The following TMEM232 variants were observed in gnomAD, a reference collection of about 807,000 sequenced individuals.
TMEM232 encodes transmembrane protein 232.
Under a neutral mutation model 78.8 loss-of-function variants are expected in TMEM232, and 80 were observed. That is an observed-to-expected ratio of 1.01 (90% CI 0.85 to 1.22). The LOEUF is 1.22. Ranked by LOEUF, TMEM232 falls within the 50% of genes most tolerant of loss-of-function variation. The probability of loss-of-function intolerance (pLI) is 0.00; values close to 1 mark genes in which losing one functional copy is unlikely to be tolerated. For missense variants in TMEM232, 881 were observed against 742.2 expected, an observed-to-expected ratio of 1.19 and a Z score of -2.17; for synonymous variants, 297 against 254.3, an observed-to-expected ratio of 1.17 and a Z score of -1.60.
chr5:110,605,527 G>C (rs1446520228), intron 9 of TMEM232, among the ~76,000 whole-genome samples, 169 bp from the exon 10 acceptor site: 1 of 151,974 alleles, frequency 6.6e-6, no homozygotes, highest in Non-Finnish European at 1.5e-5. Context: ...ACAGTTCAAA[G>C]AATAAAAAAT....
In TMEM232 at chr5:110,625,277, T is replaced by C; in HGVS notation, c.758A>G (p.Asp253Gly). The C allele has an allele frequency of 6.5e-7, 1 of 1,537,076 alleles. No homozygotes were observed. Among genetic ancestry groups the C allele is most frequent in the Non-Finnish European group, 8.8e-7 (1 of 1,140,502 alleles). Residue 253 changes from aspartate to glycine, a missense_variant, in exon 7 of 14, where the codon GAT (aspartate) becomes GGT (glycine). Asp to Gly is a moderately conservative substitution (Grantham distance 94). Coordinates refer to ENST00000455884, the MANE Select transcript of TMEM232 (RefSeq NM_001039763.4). ...TACCAGATTACTCACCATATCAGAA[T>C]CTGTGTTCTCATATCTTTTCTTATC... ...VEDKKRYENT[D>G]SDMGGYEINH...
At chr5:110,473,933 T>C (rs1184621758) in intron 12 of TMEM232, among the ~76,000 whole-genome samples, 1 of 106,632 alleles carries the variant, frequency 9.4e-6, no homozygotes, top group African/African-American at 3.8e-5. Flanking sequence ...CAAAATAACT[T>C]ACTCCTGTGT....
At chr5:110,513,178 A>AATATATAACTTTT (rs1768047504) in intron 12 of TMEM232, among the ~76,000 whole-genome samples, 1 of 152,194 alleles carries the variant, frequency 6.6e-6, no homozygotes, top group Non-Finnish European at 1.5e-5. Flanking sequence ...AGATAAACTG[A>AATATATAACTTTT]GTTATATATT....
chr5:110,694,828 C>A (rs534436662), intron 1 of TMEM232, among the ~76,000 whole-genome samples: 10 of 152,114 alleles, frequency 6.6e-5, no homozygotes, highest in African/African-American at 2.4e-4. Context: ...TACAAAGAGA[C>A]TTAGACTCCG....
intron 8 of TMEM232, among the ~76,000 whole-genome samples, chr5:110,610,767 T>A (rs1782171469): frequency 6.6e-6 from 1 of 151,996 alleles, no homozygotes; most frequent in African/African-American, 2.4e-5. Context: ...ATTTAGAAAT[T>A]TGAAGGGGGA....
At chr5:110,620,391 G>A (rs981582186) in intron 7 of TMEM232, among the ~76,000 whole-genome samples, 26 of 152,202 alleles carry the variant, frequency 1.7e-4, no homozygotes, top group African/African-American at 6.3e-4. Context: ...AAGTCACTCT[G>A]CCACCCACAA....
At chr5:110,602,777 G>A (rs896464629) in intron 10 of TMEM232, among the ~76,000 whole-genome samples, 2 of 152,102 alleles carry the variant, frequency 1.3e-5, no homozygotes, top group African/African-American at 4.8e-5. Context: ...ATTTGACCCA[G>A]CAATTACATT....
At chr5:110,707,902 C>T (rs1223176429) in intron 1 of TMEM232, among the ~76,000 whole-genome samples, 6 of 152,204 alleles carry the variant, frequency 3.9e-5, no homozygotes, top group Admixed American at 3.9e-4. Context: ...TTTTTAGACA[C>T]ACCCCGGGCC....
intron 1 of TMEM232, among the ~76,000 whole-genome samples, chr5:110,722,222 T>C (rs769934783): frequency 2.6e-5 from 4 of 152,186 alleles, no homozygotes; most frequent in Non-Finnish European, 5.9e-5. Context: ...GCTTGGCTGT[T>C]GTATTAATTA....
chr5:110,602,835 T>C (rs1781108897), intron 10 of TMEM232, among the ~76,000 whole-genome samples: 1 of 152,100 alleles, frequency 6.6e-6, no homozygotes, highest in Non-Finnish European at 1.5e-5. Flanking sequence ...TATAAACACA[T>C]GCACACGTAT....
chr5:110,524,359 GAAAA>G (rs763743820), intron 12 of TMEM232, among the ~76,000 whole-genome samples: 10,558 of 88,270 alleles, frequency 0.12, 480 homozygotes, highest in South Asian at 0.23. Context: ...AAGAAAGAAA[GAAAA>G]AAAGAAAGAA....
intron 12 of TMEM232, among the ~76,000 whole-genome samples, chr5:110,449,982 C>T (rs979728328): frequency 8.5e-5 from 13 of 152,052 alleles, no homozygotes; most frequent in Admixed American, 2.6e-4. Flanking sequence ...GGGTGAGGGA[C>T]GTGGAGGGAG....
chr5:110,564,383 C>T (rs1046170334), intron 11 of TMEM232, among the ~76,000 whole-genome samples: 19 of 151,794 alleles, frequency 1.3e-4, no homozygotes, highest in African/African-American at 4.6e-4. Flanking sequence ...AATGAATGGC[C>T]TATTTCAAAA....
chr5:110,733,433 G>A (rs374386773), intron 2 of TMEM232, among the ~76,000 whole-genome samples: 9 of 152,226 alleles, frequency 5.9e-5, no homozygotes, highest in African/African-American at 1.2e-4. Context: ...GCAAAGACAC[G>A]GAATCAACCT....
chr5:110,640,681 A>G (rs1018079800), intron 4 of TMEM232, among the ~76,000 whole-genome samples: 16 of 152,312 alleles, frequency 1.1e-4, no homozygotes, highest in African/African-American at 3.6e-4. Flanking sequence ...TGCTGAGTAA[A>G]GTTTTTAAAA....
chr5:110,587,280 A>G (rs748088763), intron 10 of TMEM232, among the ~76,000 whole-genome samples: 16 of 152,068 alleles, frequency 1.1e-4, no homozygotes, highest in Non-Finnish European at 1.9e-4. Context: ...GTGAATATTA[A>G]AATAAAACAT....
At chr5:110,636,948 AT>A (rs1447634886) in intron 5 of TMEM232, among the ~76,000 whole-genome samples, 1 of 151,866 alleles carries the variant, frequency 6.6e-6, no homozygotes, top group African/African-American at 2.4e-5. Flanking sequence ...TTTTGTAGCT[AT>A]TTTTTTCTTG....
intron 5 of TMEM232, chr5:110,629,084 C>G (rs1056794956): frequency 3.3e-5 from 5 of 151,548 alleles, no homozygotes; most frequent in African/African-American, 1.2e-4. Context: ...CTCTAAGAGA[C>G]CGAAGTTAAA....
intron 2 of TMEM232, among the ~76,000 whole-genome samples, chr5:110,410,868 T>G (rs1755970338): frequency 6.6e-6 from 1 of 152,130 alleles, no homozygotes; most frequent in African/African-American, 2.4e-5. Flanking sequence ...CATTCTGACT[T>G]TGGAGCCTAT....
Sources: allele counts gnomAD v4.1 joint callset (sites outside exome capture counted in the v4.1 genomes callset), GRCh38; gene constraint gnomAD v4.1.1; transcripts MANE v1.5; gene names NCBI Gene and HGNC (gene_info 2026-07-23, HGNC 2026-07-21).